The following SLFN12L variants were observed in gnomAD, a reference collection of about 807,000 sequenced individuals.
SLFN12L encodes the protein schlafen family member 12 like, also known as schlafen family member 12-like.
SLFN12L carries 34 observed loss-of-function variants against 34.8 expected under a neutral mutation model. The ratio of observed to expected loss-of-function variants is 0.98; its 90% CI spans 0.74 to 1.30. The LOEUF is 1.30. SLFN12L is among the 50% of genes most tolerant of loss of function. The pLI is 0.00. For missense variants in SLFN12L, 703 were observed against 696.2 expected, an observed-to-expected ratio of 1.01 and a Z score of -0.11; for synonymous variants, 259 against 247.5, an observed-to-expected ratio of 1.05 and a Z score of -0.44.
At chr17:35,522,179 G>T in intron 2 of SLFN12L, 100 bp downstream of exon 2, 1 of 1,493,672 alleles carries the variant, frequency 6.7e-7, no homozygotes, top group Non-Finnish European at 9.0e-7. Context: ...TGTTGTCACA[G>T]ATAATTTTAC....
At position 35,472,566 on chromosome 17, in the gene SLFN12L, T is replaced by C. The variant is rs1010829908; in HGVS notation, c.*2357A>G. ...TAGTGTAGTTTGAAGTCAGGTAGCA[T>C]AATGCCTCCAGCTTTGTTCTTTTTG... On this transcript the variant is annotated 3_prime_UTR_variant, in exon 5 of 5. Transcript: ENST00000628453. Among the ~76,000 whole-genome samples the C allele has an allele frequency of 6.6e-6, 1 of 152,222 alleles. No homozygotes were observed. Among genetic ancestry groups the C allele is most frequent in the Non-Finnish European group, 1.5e-5 (1 of 68,030 alleles).
At chr17:35,495,597 C>A (rs952743042) in intron 2 of SLFN12L, among the ~76,000 whole-genome samples, 1 of 152,148 alleles carries the variant, frequency 6.6e-6, no homozygotes, top group African/African-American at 2.4e-5. Context: ...GGTGTCCCTG[C>A]TCCCCGCGCC....
intron 2 of SLFN12L, among the ~76,000 whole-genome samples, chr17:35,497,241 A>T (rs922183089): frequency 6.6e-6 from 1 of 152,080 alleles, no homozygotes; most frequent in Admixed American, 6.6e-5. Context: ...AAATACAAAC[A>T]TTAGCTGGGC....
chr17:35,467,583 C>A lies in SLFN12L; in HGVS notation c.*7340G>T, dbSNP rs908154925. ...TTAACAGAGAGACATAAGAGTCTCC[C>A]CAAACAACTTCTTTTAAAGTTCCAG... On this transcript the variant is annotated 3_prime_UTR_variant, in exon 5 of 5. Transcript: ENST00000628453. Among the ~76,000 whole-genome samples the A allele has an allele frequency of 6.6e-6, 1 of 152,160 alleles. No individual in the cohort carries two copies. Among genetic ancestry groups the A allele is most frequent in the Non-Finnish European group, 1.5e-5 (1 of 68,020 alleles).
chr17:35,486,265 C>T (rs1024388134), intron 2 of SLFN12L, among the ~76,000 whole-genome samples: 1 of 152,190 alleles, frequency 6.6e-6, no homozygotes, highest in Non-Finnish European at 1.5e-5. Flanking sequence ...GCCTCTGTAA[C>T]TGGAGTCCTG....
chr17:35,510,550 C>T (rs1018023718), intron 2 of SLFN12L, among the ~76,000 whole-genome samples: 7 of 152,218 alleles, frequency 4.6e-5, no homozygotes, highest in African/African-American at 1.4e-4. Flanking sequence ...CAGATAGGCA[C>T]GTCCATAGAG....
intron 2 of SLFN12L, chr17:35,487,798 C>A: frequency 6.6e-7 from 1 of 1,525,460 alleles, no homozygotes; most frequent in Non-Finnish European, 8.8e-7. Flanking sequence ...TCCTGCTCTC[C>A]GCGTCCGTGT....
At chr17:35,534,488 G>C (rs1046285894) in intron 1 of SLFN12L, among the ~76,000 whole-genome samples, 4 of 152,348 alleles carry the variant, frequency 2.6e-5, no homozygotes, top group South Asian at 2.1e-4. Context: ...AGACCTTTCA[G>C]GATATGGTTT....
At chr17:35,495,285 C>CA (rs1263879179) in intron 2 of SLFN12L, among the ~76,000 whole-genome samples, 1 of 152,148 alleles carries the variant, frequency 6.6e-6, no homozygotes, top group African/African-American at 2.4e-5. Context: ...TTTGGACTAG[C>CA]AAGTGCTTCA....
In SLFN12L at chr17:35,472,812, C is replaced by A. The variant is rs141080966; in HGVS notation, c.*2111G>T. Reference sequence around the variant, plus strand: ...GGAATGTTTTTCCATTTGTTTGTGTCTTCTCTTGTTTCCTTGAGCAGTGGT... The same window carrying A: ...GGAATGTTTTTCCATTTGTTTGTGTATTCTCTTGTTTCCTTGAGCAGTGGT... On this transcript the variant is annotated 3_prime_UTR_variant, in exon 5 of 5. Transcript: ENST00000628453. Among the ~76,000 whole-genome samples, 126 of 152,232 alleles carry A rather than the reference C, an allele frequency of 8.3e-4. No homozygotes were observed. The highest frequency in any genetic ancestry group is 2.9e-3 in the African/African-American group (121 of 41,530).
At chr17:35,531,630 T>G (rs1182997234) in intron 1 of SLFN12L, among the ~76,000 whole-genome samples, 1 of 152,030 alleles carries the variant, frequency 6.6e-6, no homozygotes, top group African/African-American at 2.4e-5. Flanking sequence ...ATTTATTTAT[T>G]TTTGAGATGG....
intron 2 of SLFN12L, among the ~76,000 whole-genome samples, chr17:35,511,121 T>G (rs2142158504): frequency 6.6e-6 from 1 of 152,370 alleles, no homozygotes; most frequent in Admixed American, 6.5e-5. Context: ...ATTTCTCAAT[T>G]GTAATTTTTT....
At position 35,498,317 on chromosome 17, in the gene SLFN12L, G is replaced by T. The variant is rs1307344133; in HGVS notation, c.87-18122C>A. 4 of 861,206 alleles carry T rather than the reference G, an allele frequency of 4.6e-6. No homozygotes were observed. The African/African-American group carries it at 6.6e-5, about 14-fold the overall frequency. The allele number at this position is 861,206 out of a possible 1,614,324, so 53.3% of individuals were successfully genotyped here. On this transcript the variant is annotated intron_variant, in intron 2 of 4. Coordinates refer to ENST00000628453, the MANE Select transcript of SLFN12L (RefSeq NM_001363830.2). ...ACGGTCCCCTGAAGCAAGGACTGCG[G>T]CTGCCACAGACTGCTGAAGAGTTGG...
rs1216705890 is a variant in SLFN12L at position 35,530,362 on chromosome 17, AAAGGAAGG to A, written c.-606+7203_-606+7210del. On this transcript the variant is annotated intron_variant, in intron 1 of 4. Transcript: ENST00000628453. ...CTCTGTCAGAAAAAAAAAGAGAAAG[AAAGGAAGG>A]AAGGAAGGAAGGAAGGAAGGAAGGA... Among the ~76,000 whole-genome samples, 97 of 85,010 alleles carry A rather than the reference AAAGGAAGG, an allele frequency of 1.1e-3. 7 individuals carry two copies. Among genetic ancestry groups the A allele is most frequent in the Non-Finnish European group, 1.5e-3 (68 of 44,610 alleles). 55.8% of individuals were successfully genotyped at this position (85,010 alleles called of 152,430 possible). A position where few individuals can be genotyped will look rare whatever the true frequency, so the allele number is the denominator to read the frequency against.
At position 35,509,730 on chromosome 17, in the gene SLFN12L, C is replaced by T. The variant is rs185778498; in HGVS notation, c.86+12549G>A. On this transcript the variant is annotated intron_variant, in intron 2 of 4. Coordinates refer to ENST00000628453, the MANE Select transcript of SLFN12L (RefSeq NM_001363830.2). The stretch of plus-strand genomic sequence containing the variant: ...TTTTTTTTTTTGAGACAGAGTCTCG[C>T]TGTGTCCCCCAGGTTGGAGTGCAGT... Among the ~76,000 whole-genome samples, 393 of 151,052 alleles carry T rather than the reference C, an allele frequency of 2.6e-3. 3 individuals are homozygous for T. Among genetic ancestry groups the T allele is most frequent in the African/African-American group, 9.0e-3 (371 of 41,066 alleles).
intron 4 of SLFN12L, among the ~76,000 whole-genome samples, chr17:35,477,592 A>G (rs1043868669): frequency 1.3e-5 from 2 of 152,200 alleles, no homozygotes; most frequent in Non-Finnish European, 2.9e-5. Context: ...AGAAAAAGAT[A>G]AAGCCTATTA....
Position 35,479,626 on chromosome 17 carries a change from A to G in SLFN12L, c.656T>C (p.Met219Thr), listed in dbSNP as rs1914215662. 1 of 1,611,408 alleles carries G rather than the reference A, an allele frequency of 6.2e-7. No individual in the cohort carries two copies. Among genetic ancestry groups the G allele is most frequent in the Non-Finnish European group, 8.5e-7 (1 of 1,178,610 alleles). Reference sequence around the variant, plus strand: ...AAAAAAATCAGCAGCCAAGGCTTCCATGTTACTTTCTTCTTGTACATCAAC... The same window carrying G: ...AAAAAAATCAGCAGCCAAGGCTTCCGTGTTACTTTCTTCTTGTACATCAAC... ...ACVDVQEESN[M>T]EALAADFFNR... Residue 219 changes from methionine (M) to threonine (T), a missense_variant, in exon 3 of 5, where the codon ATG (methionine) becomes ACG (threonine). By Grantham distance (81) the Met-to-Thr change is moderately conservative (BLOSUM62 -1). Coordinates refer to ENST00000628453, the MANE Select transcript of SLFN12L (RefSeq NM_001363830.2).
Position 35,473,281 on chromosome 17 carries a change from G to A in SLFN12L, c.*1642C>T, listed in dbSNP as rs778713700. ...TTGCCCATTCAGTATGATATTGGCT[G>A]TGGGTTTGTCATGAATAGCTCTTAT... On this transcript the variant is annotated 3_prime_UTR_variant, in exon 5 of 5. Coordinates refer to ENST00000628453, the MANE Select transcript of SLFN12L (RefSeq NM_001363830.2). 6.6e-5 allele frequency among the ~76,000 whole-genome samples: 10 copies of A among 152,302 alleles called. No individual in the cohort carries two copies. Among genetic ancestry groups the A allele is most frequent in the Non-Finnish European group, 1.3e-4 (9 of 68,026 alleles).
chr17:35,494,885 TTTATTTTATTTA>T (rs1312453531), intron 2 of SLFN12L, among the ~76,000 whole-genome samples: 1 of 142,444 alleles, frequency 7.0e-6, no homozygotes, highest in African/African-American at 2.7e-5. Flanking sequence ...TATTAATTTA[TTTATTTTATTTA>T]TTTATTTATT....
Sources: allele counts gnomAD v4.1 joint callset (sites outside exome capture counted in the v4.1 genomes callset), GRCh38; gene constraint gnomAD v4.1.1; transcripts MANE v1.5; gene names NCBI Gene and HGNC (gene_info 2026-07-23, HGNC 2026-07-21).